Variants in RBFOX1 observed in about 807,000 individuals in gnomAD.
The protein encoded by RBFOX1 is RNA binding protein fox-1 homolog 1.
RBFOX1 carries 8 observed loss-of-function variants against 57.7 expected under a neutral mutation model. The ratio of observed to expected loss-of-function variants is 0.14; its 90% confidence interval spans 0.08 to 0.25. The LOEUF (loss-of-function observed/expected upper bound fraction) is 0.25. RBFOX1 is among the 10% of genes least tolerant of loss of function. The pLI is 1.00. For missense variants in RBFOX1, 611 were observed against 548.5 expected (o/e 1.11, Z -1.14); for synonymous variants, 326 against 222.4 (o/e 1.47, Z -4.15).
chr16:6,942,527 CAGTT>C (rs575825035), intron 3 of RBFOX1, among the ~76,000 whole-genome samples: 98 of 152,204 alleles, frequency 6.4e-4, no homozygotes, highest in African/African-American at 2.2e-3. Context: ...GTGAGACTAT[CAGTT>C]AGAGCATTTT....
At chr16:7,472,726 A>C (rs1166200566) in intron 4 of RBFOX1, among the ~76,000 whole-genome samples, 1 of 152,220 alleles carries the variant, frequency 6.6e-6, no homozygotes, top group African/African-American at 2.4e-5. Flanking sequence ...ATATGACAGG[A>C]AAACCAAGTT....
chr16:7,151,075 G>C (rs1484396842), intron 4 of RBFOX1, among the ~76,000 whole-genome samples: 1 of 152,298 alleles, frequency 6.6e-6, no homozygotes, highest in Non-Finnish European at 1.5e-5. Flanking sequence ...GACAGAGGCT[G>C]TTAAGTGTAT....
intron 4 of RBFOX1, among the ~76,000 whole-genome samples, chr16:7,221,223 T>C (rs2092702558): frequency 6.6e-6 from 1 of 152,164 alleles, no homozygotes; most frequent in Non-Finnish European, 1.5e-5. Flanking sequence ...TGTTCAAAAA[T>C]AGTTTGTAAA....
intron 2 of RBFOX1, among the ~76,000 whole-genome samples, chr16:6,567,896 C>G (rs1379152525): frequency 6.6e-6 from 1 of 152,140 alleles, no homozygotes; most frequent in Non-Finnish European, 1.5e-5. Flanking sequence ...TTACAGTTTG[C>G]TGGAGCCTTG....
intron 3 of RBFOX1, among the ~76,000 whole-genome samples, chr16:6,930,865 A>G (rs1366565680): frequency 3.9e-5 from 6 of 152,110 alleles, no homozygotes; most frequent in Non-Finnish European, 8.8e-5. Context: ...TAACTGTAAT[A>G]GCATGTTCCT....
chr16:7,016,893 C>G (rs2093943488), intron 3 of RBFOX1, among the ~76,000 whole-genome samples: 1 of 152,110 alleles, frequency 6.6e-6, no homozygotes, highest in African/African-American at 2.4e-5. Flanking sequence ...TCACTTGACC[C>G]TGTGTACCAA....
At chr16:5,685,182 A>C (rs2050467332) in intron 3 of RBFOX1, among the ~76,000 whole-genome samples, 1 of 152,236 alleles carries the variant, frequency 6.6e-6, no homozygotes, top group Non-Finnish European at 1.5e-5. Context: ...TATATATTAC[A>C]GCTCCAAGAA....
intron 2 of RBFOX1, among the ~76,000 whole-genome samples, chr16:5,498,934 C>T (rs2043096803): frequency 2.6e-5 from 4 of 152,158 alleles, no homozygotes; most frequent in African/African-American, 9.7e-5. Context: ...AAGTCAGGCT[C>T]TCACTGTTGG....
At chr16:7,457,769 G>A (rs1030111188) in intron 4 of RBFOX1, among the ~76,000 whole-genome samples, 1 of 151,988 alleles carries the variant, frequency 6.6e-6, no homozygotes, top group Admixed American at 6.6e-5. Context: ...CAGTCTGGAA[G>A]GTTCTTCTTA....
chr16:6,499,869 C>T lies in RBFOX1; in HGVS notation c.-63-154734C>T, dbSNP rs17539320. On this transcript the variant is annotated intron_variant, in intron 2 of 15. Transcript: ENST00000550418. ...AACAGCTGAATGAAGTTGTCACCTG[C>T]TTAGATTACAAAGGAGTCGGGTAAA... Among the ~76,000 whole-genome samples the T allele has an allele frequency of 8.0e-3, 1,219 of 152,188 alleles. 5 individuals carry two copies. The highest frequency in any genetic ancestry group is 0.014 in the Non-Finnish European group (926 of 68,016).
At chr16:7,202,641 G>A (rs951294665) in intron 4 of RBFOX1, among the ~76,000 whole-genome samples, 2 of 152,132 alleles carry the variant, frequency 1.3e-5, no homozygotes, top group African/African-American at 2.4e-5. Flanking sequence ...ACCTGAGCTC[G>A]ACCTCCTGTC....
intron 2 of RBFOX1, among the ~76,000 whole-genome samples, chr16:6,405,014 G>T (rs1276242267): frequency 6.6e-6 from 1 of 152,120 alleles, no homozygotes; most frequent in Non-Finnish European, 1.5e-5. Context: ...GAGTCTTAAG[G>T]TCAGGTATAA....
At chr16:6,367,503 C>T (rs567906804) in intron 2 of RBFOX1, among the ~76,000 whole-genome samples, 105 of 152,268 alleles carry the variant, frequency 6.9e-4, no homozygotes, top group South Asian at 5.0e-3. Flanking sequence ...AACTCCTGAC[C>T]TCATGATCCA....
intron 1 of RBFOX1, among the ~76,000 whole-genome samples, chr16:5,389,224 A>G (rs967612749): frequency 1.3e-5 from 2 of 150,752 alleles, no homozygotes; most frequent in African/African-American, 2.5e-5. Flanking sequence ...AAGGTAAGGT[A>G]TGATTTTTGT....
At chr16:7,563,595 G>A (rs1333044532) in intron 5 of RBFOX1, among the ~76,000 whole-genome samples, 2 of 152,066 alleles carry the variant, frequency 1.3e-5, no homozygotes, top group Non-Finnish European at 2.9e-5. Flanking sequence ...AGCCTCCATA[G>A]CAGCTGGGAC....
intron 2 of RBFOX1, among the ~76,000 whole-genome samples, chr16:6,549,454 GA>G (rs1398150488): frequency 5.4e-5 from 4 of 74,688 alleles, no homozygotes; most frequent in Non-Finnish European, 1.1e-4. Flanking sequence ...AGGGAGGAGG[GA>G]AAAGGAAGTG....
intron 2 of RBFOX1, among the ~76,000 whole-genome samples, chr16:6,346,044 G>A (rs575847292): frequency 2.6e-5 from 4 of 152,164 alleles, no homozygotes; most frequent in Non-Finnish European, 4.4e-5. Context: ...TCCAAAGGAG[G>A]CAATCAGGTA....
At chr16:7,063,989 A>G (rs923408762) in intron 4 of RBFOX1, among the ~76,000 whole-genome samples, 7 of 152,154 alleles carry the variant, frequency 4.6e-5, no homozygotes, top group Admixed American at 4.6e-4. Context: ...GAACAACTAT[A>G]CTAAATTATC....
chr16:6,143,888 TG>T (rs890734182), intron 1 of RBFOX1, among the ~76,000 whole-genome samples: 1 of 151,770 alleles, frequency 6.6e-6, no homozygotes, highest in African/African-American at 2.4e-5. Flanking sequence ...CTCAAACTCC[TG>T]GGCTCAAGCG....
Sources: allele counts gnomAD v4.1 joint callset (sites outside exome capture counted in the v4.1 genomes callset), GRCh38; gene constraint gnomAD v4.1.1; transcripts MANE v1.5; gene names NCBI Gene and HGNC (gene_info 2026-07-23, HGNC 2026-07-21).